The following LPAR3 variants were observed in gnomAD, a reference collection of about 807,000 sequenced individuals.
The protein encoded by LPAR3 is lysophosphatidic acid receptor 3.
Under a neutral mutation model 17.8 loss-of-function variants are expected in LPAR3, and 7 were observed. That is an observed-to-expected ratio of 0.39 (90% confidence interval 0.22 to 0.74). The LOEUF (loss-of-function observed/expected upper bound fraction) is 0.74. Among genes scored for constraint, LPAR3 ranks in the 30% least tolerant of loss-of-function variants. The probability of loss-of-function intolerance (pLI) is 0.40; values close to 1 mark genes in which losing one functional copy is unlikely to be tolerated. For missense variants in LPAR3, 391 were observed against 453.4 expected, an observed-to-expected ratio of 0.86 and a Z score of 1.25; for synonymous variants, 179 against 179.9, an observed-to-expected ratio of 0.99 and a Z score of 0.04.
rs117183741 is a variant in LPAR3 at position 84,843,193 on chromosome 1, A to C, written c.736+22192T>G. Among the ~76,000 whole-genome samples the C allele has an allele frequency of 4.7e-3, 716 of 152,242 alleles. 5 individuals carry two copies. Among genetic ancestry groups the C allele is most frequent in the South Asian group, 0.015 (70 of 4,808 alleles). On this transcript the variant is annotated intron_variant, in intron 2 of 2. Transcript: ENST00000370611. The stretch of plus-strand genomic sequence containing the variant: ...ACTCCTGTCTTCACCTTCACATTTA[A>C]AACTCCATTTCTTCTTTTGTTCCTG...
chr1:84,824,009 G>C (rs1570858498), intron 2 of LPAR3, among the ~76,000 whole-genome samples: 2 of 152,184 alleles, frequency 1.3e-5, no homozygotes, highest in African/African-American at 4.8e-5. Flanking sequence ...ATATTAGGCT[G>C]TGGGCATGTA....
rs1658874431 is a variant in LPAR3, at chr1:84,813,959, C to T, written c.949G>A (p.Glu317Lys). The change falls in exon 3 of 3, where the codon GAG (glutamate) becomes AAG (lysine). Residue 317 changes from glutamate (E) to lysine (K), a missense_variant. Physicochemically the swap from Glu to Lys is moderately conservative, Grantham distance 56 (BLOSUM62 1). Coordinates refer to ENST00000370611, the MANE Select transcript of LPAR3 (RefSeq NM_012152.3). ...MICCFSQENP[E>K]RRPSRIPSTV... ...GAGGGGATGCGAGAGGGACGCCTCT[C>T]TGGGTTCTCCTGAGAGAAGCAGCAG... The T allele has an allele frequency of 2.5e-6, 4 of 1,614,060 alleles. No homozygotes were observed. In the Admixed American group the frequency reaches 5.0e-5, roughly 20 times the overall value.
In LPAR3 at chr1:84,865,880, T is replaced by C. The variant is rs766101796; in HGVS notation, c.241A>G (p.Ile81Val). 3 of 1,614,168 alleles carry C rather than the reference T, an allele frequency of 1.9e-6. No homozygotes were observed. Among genetic ancestry groups the C allele is most frequent in the South Asian group, 1.1e-5 (1 of 91,082 alleles). Residue 81 changes from isoleucine (I) to valine (V), a missense_variant, in exon 2 of 3, where the codon ATT (isoleucine) becomes GTT (valine). Physicochemically the swap from Ile to Val is conservative, Grantham distance 29 (BLOSUM62 3). Coordinates refer to ENST00000370611, the MANE Select transcript of LPAR3 (RefSeq NM_012152.3). The stretch of plus-strand genomic sequence containing the variant: ...TTAAACATCAGGAATACATAGGCAA[T>C]TCCAGCGAAGAAATCGGCAGCAGCT... ...NLAAADFFAGIAYVFLMFNTG... is the reference protein window; with the variant it reads ...NLAAADFFAGVAYVFLMFNTG...
chr1:84,856,804 G>A (rs1659839440), intron 2 of LPAR3, among the ~76,000 whole-genome samples: 2 of 152,132 alleles, frequency 1.3e-5, no homozygotes, highest in Non-Finnish European at 2.9e-5. Flanking sequence ...CTGTATCACA[G>A]GACTCTTGTC....
At chr1:84,874,307 G>A (rs763250761) in intron 1 of LPAR3, among the ~76,000 whole-genome samples, 1 of 152,186 alleles carries the variant, frequency 6.6e-6, no homozygotes, top group Non-Finnish European at 1.5e-5. Context: ...GAATAAACAG[G>A]TTCTTGTGTC....
Position 84,814,071 on chromosome 1 carries a change from C to T in LPAR3, c.837G>A (p.Leu279=), listed in dbSNP as rs766706586. The T allele has an allele frequency of 6.2e-7, 1 of 1,614,166 alleles. No individual in the cohort carries two copies. The highest frequency in any genetic ancestry group is 8.5e-7 in the Non-Finnish European group (1 of 1,180,036). Residue 279 remains leucine (L), a synonymous_variant, in exon 3 of 3, where the codon CTG becomes CTA. Transcript: ENST00000370611. ...CGACGGAGTTGAGCAGCGCCAGCAG[C>T]AGGAACCACCTTTTCACATGCTGCA... ...CGVQHVKRWF[L]LLALLNSVVN... is the part of the protein sequence containing the mutation.
intron 1 of LPAR3, among the ~76,000 whole-genome samples, chr1:84,866,360 G>A (rs1045257384): frequency 1.3e-5 from 2 of 152,142 alleles, no homozygotes; most frequent in South Asian, 2.1e-4. Flanking sequence ...AGGCTAGGCC[G>A]CTCAGGTTAG....
At chr1:84,832,175 C>G (rs980864351) in intron 2 of LPAR3, among the ~76,000 whole-genome samples, 2 of 152,132 alleles carry the variant, frequency 1.3e-5, no homozygotes, top group Non-Finnish European at 2.9e-5. Flanking sequence ...CCACCATGAT[C>G]CCCCACGAAA....
chr1:84,854,490 GA>G (rs1659780645), intron 2 of LPAR3, among the ~76,000 whole-genome samples: 1 of 152,060 alleles, frequency 6.6e-6, no homozygotes, highest in Non-Finnish European at 1.5e-5. Flanking sequence ...TCACACACAG[GA>G]AAAGCCACAC....
chr1:84,879,476 T>C (rs1430630342), intron 1 of LPAR3, among the ~76,000 whole-genome samples: 1 of 152,054 alleles, frequency 6.6e-6, no homozygotes, highest in Non-Finnish European at 1.5e-5. Flanking sequence ...CATGCTCAGC[T>C]ACTTTTTTGT....
At chr1:84,846,606 T>G (rs1160419343) in intron 2 of LPAR3, among the ~76,000 whole-genome samples, 3 of 152,116 alleles carry the variant, frequency 2.0e-5, no homozygotes, top group Non-Finnish European at 4.4e-5. Flanking sequence ...GGAAGCACAG[T>G]TTGCAGGTCA....
chr1:84,852,051 ATT>A (rs11289460), intron 2 of LPAR3, among the ~76,000 whole-genome samples: 10,903 of 132,594 alleles, frequency 0.082, 405 homozygotes, highest in East Asian at 0.1. Context: ...TTGGTGACTA[ATT>A]TTTTTTTTTT....
chr1:84,849,796 C>T (rs1659668183), intron 2 of LPAR3, among the ~76,000 whole-genome samples: 1 of 152,168 alleles, frequency 6.6e-6, no homozygotes. Flanking sequence ...ACCAAGGAGG[C>T]TGATCAGAGG....
chr1:84,833,551 T>C (rs1570867468), intron 2 of LPAR3, among the ~76,000 whole-genome samples: 1 of 152,200 alleles, frequency 6.6e-6, no homozygotes, highest in East Asian at 1.9e-4. Context: ...TGGGGTCTGA[T>C]ATTTGAAAAC....
chr1:84,871,185 AG>A (rs1237944127), intron 1 of LPAR3, among the ~76,000 whole-genome samples: 1 of 152,218 alleles, frequency 6.6e-6, no homozygotes, highest in Non-Finnish European at 1.5e-5. Flanking sequence ...TAGAAAAAAA[AG>A]ATGCTAAACT....
At chr1:84,860,607 A>G (rs562718110) in intron 2 of LPAR3, among the ~76,000 whole-genome samples, 1 of 152,306 alleles carries the variant, frequency 6.6e-6, no homozygotes, top group South Asian at 2.1e-4. Flanking sequence ...CTGAAATAAG[A>G]TTAAGCTCAC....
intron 1 of LPAR3, among the ~76,000 whole-genome samples, chr1:84,876,251 C>T (rs913800965): frequency 6.6e-6 from 1 of 152,078 alleles, no homozygotes; most frequent in Non-Finnish European, 1.5e-5. Flanking sequence ...GTAGCCAGGT[C>T]GTGTAAATGA....
At chr1:84,874,936 G>A (rs970109433) in intron 1 of LPAR3, among the ~76,000 whole-genome samples, 35 of 143,046 alleles carry the variant, frequency 2.4e-4, no homozygotes, top group African/African-American at 9.1e-4. Flanking sequence ...GTCTAGCTCT[G>A]TCACCCAGGC....
At chr1:84,815,708 C>T (rs1199513139) in intron 2 of LPAR3, among the ~76,000 whole-genome samples, 1 of 152,096 alleles carries the variant, frequency 6.6e-6, no homozygotes, top group Non-Finnish European at 1.5e-5. Context: ...TTAATAAACC[C>T]AACTATGTGA....
Sources: allele counts gnomAD v4.1 joint callset (sites outside exome capture counted in the v4.1 genomes callset), GRCh38; gene constraint gnomAD v4.1.1; transcripts MANE v1.5; gene names NCBI Gene and HGNC (gene_info 2026-07-23, HGNC 2026-07-21).